Variants in EIF4E observed in about 807,000 individuals in gnomAD.
The protein encoded by EIF4E is eIF-4F 25 kDa subunit.
For synonymous variants in EIF4E, 71 were observed against 88.5 expected, an observed-to-expected ratio of 0.80 and a Z score of 1.11; for missense variants, 113 against 265.6, an observed-to-expected ratio of 0.43 and a Z score of 3.99.
chr4:98,917,912 C>G (rs1283248199), intron 1 of EIF4E, among the ~76,000 whole-genome samples: 1 of 151,684 alleles, frequency 6.6e-6, no homozygotes, highest in African/African-American at 2.4e-5. Context: ...TCCGTTTTTA[C>G]TAAAAATACA....
intron 1 of EIF4E, among the ~76,000 whole-genome samples, chr4:98,906,524 A>T (rs568982422): frequency 5.7e-4 from 86 of 152,158 alleles, no homozygotes; most frequent in Middle Eastern, 3.4e-3. Flanking sequence ...AGAAATTTTT[A>T]AAAAAAGGCC....
intron 1 of EIF4E, among the ~76,000 whole-genome samples, chr4:98,912,208 C>T (rs1297130255): frequency 6.7e-6 from 1 of 148,780 alleles, no homozygotes; most frequent in Non-Finnish European, 1.5e-5. Flanking sequence ...GCCAAGATCG[C>T]GCCACTGCAC....
intron 1 of EIF4E, among the ~76,000 whole-genome samples, chr4:98,913,164 T>C (rs1195804394): frequency 6.6e-6 from 1 of 151,636 alleles, no homozygotes; most frequent in African/African-American, 2.4e-5. Flanking sequence ...GCCAAGGTAG[T>C]GTCACTGCAT....
intron 2 of EIF4E, among the ~76,000 whole-genome samples, chr4:98,896,907 G>A (rs952139217): frequency 1.3e-5 from 2 of 151,918 alleles, no homozygotes; most frequent in East Asian, 3.9e-4. Context: ...GCAGTGAGCC[G>A]AGATTACACG....
Position 98,929,085 on chromosome 4 carries a change from C to A in EIF4E, c.18+10G>T, listed in dbSNP as rs777025316. 4.4e-6 allele frequency: 7 copies of A among 1,583,168 alleles called. No homozygotes were observed. The Admixed American group carries it at 1.2e-4, about 28-fold the overall frequency. Reference sequence around the variant, plus strand: ...GACCCGTGGGGGTGGGGGCCAAAGGCAATACTCACCGGTTCGACAGTCGCC... The same window carrying A: ...GACCCGTGGGGGTGGGGGCCAAAGGAAATACTCACCGGTTCGACAGTCGCC... On this transcript the variant is annotated intron_variant, in intron 1 of 6. Coordinates refer to ENST00000450253, the MANE Select transcript of EIF4E (RefSeq NM_001968.5).
chr4:98,928,879 G>A (rs1356896967), intron 1 of EIF4E: 2 of 1,547,944 alleles, frequency 1.3e-6, no homozygotes, highest in Admixed American at 2.0e-5. Context: ...CGCTCCCCCA[G>A]TTCTCGGGCC....
chr4:98,890,836 C>T (rs78191566), intron 3 of EIF4E: 10,514 of 210,170 alleles, frequency 0.05, 1,133 homozygotes, highest in African/African-American at 0.23. Context: ...ATCTTAAAAT[C>T]TCTGGTACAG....
At chr4:98,888,518 T>C (rs1332256792) in intron 3 of EIF4E, among the ~76,000 whole-genome samples, 3 of 152,044 alleles carry the variant, frequency 2.0e-5, no homozygotes. Flanking sequence ...AATAAATAAA[T>C]AAATATAGTT....
chr4:98,888,321 AAAAAAC>A (rs72317665), intron 3 of EIF4E, among the ~76,000 whole-genome samples: 5,575 of 152,094 alleles, frequency 0.037, 314 homozygotes, highest in African/African-American at 0.12. Flanking sequence ...CACAAACATA[AAAAAAC>A]AAAAACAAAA....
intron 2 of EIF4E, among the ~76,000 whole-genome samples, chr4:98,897,837 T>C (rs1007317334): frequency 6.6e-6 from 1 of 152,204 alleles, no homozygotes; most frequent in African/African-American, 2.4e-5. Flanking sequence ...AGTTTAGAGG[T>C]AATATTAATG....
At chr4:98,924,350 T>TA (rs1360960337) in intron 1 of EIF4E, among the ~76,000 whole-genome samples, 1 of 152,172 alleles carries the variant, frequency 6.6e-6, no homozygotes, top group Non-Finnish European at 1.5e-5. Context: ...GTGCTGGGAT[T>TA]ACAGGCATGA....
At chr4:98,917,257 T>C (rs1437618916) in intron 1 of EIF4E, among the ~76,000 whole-genome samples, 2 of 151,896 alleles carry the variant, frequency 1.3e-5, no homozygotes, top group African/African-American at 4.8e-5. Flanking sequence ...TAGGTAACTT[T>C]ACACCAGAAG....
chr4:98,906,074 T>C (rs1724859690), intron 1 of EIF4E, among the ~76,000 whole-genome samples: 1 of 152,182 alleles, frequency 6.6e-6, no homozygotes, highest in South Asian at 2.1e-4. Flanking sequence ...CATTCAAGAT[T>C]TCTCAGCAAC....
chr4:98,904,945 A>C (rs1724804548), intron 1 of EIF4E, among the ~76,000 whole-genome samples: 1 of 152,090 alleles, frequency 6.6e-6, no homozygotes, highest in African/African-American at 2.4e-5. Context: ...AAATACCATA[A>C]AAATTTTTAT....
chr4:98,928,434 G>A (rs1164743813), intron 1 of EIF4E, among the ~76,000 whole-genome samples: 2 of 151,970 alleles, frequency 1.3e-5, no homozygotes, highest in African/African-American at 2.4e-5. Flanking sequence ...CGCTTCCCCT[G>A]GCGCAAACAC....
At chr4:98,910,602 T>C (rs1449962954) in intron 1 of EIF4E, among the ~76,000 whole-genome samples, 2 of 152,186 alleles carry the variant, frequency 1.3e-5, no homozygotes, top group Non-Finnish European at 2.9e-5. Flanking sequence ...TGTTGGGCTA[T>C]AGCTAAATAT....
At chr4:98,911,194 G>A (rs1250088372) in intron 1 of EIF4E, among the ~76,000 whole-genome samples, 6 of 151,502 alleles carry the variant, frequency 4.0e-5, no homozygotes, top group African/African-American at 7.3e-5. Flanking sequence ...GATTACAGGC[G>A]CCTGCCACCA....
intron 1 of EIF4E, among the ~76,000 whole-genome samples, chr4:98,921,416 T>C (rs146212874): frequency 0.017 from 2,618 of 152,024 alleles, 71 homozygotes; most frequent in African/African-American, 0.06. Context: ...ATGACAGTAA[T>C]GGAGTGCAAT....
chr4:98,891,970 C>T (rs1005563484), intron 2 of EIF4E, among the ~76,000 whole-genome samples: 2 of 152,160 alleles, frequency 1.3e-5, no homozygotes, highest in South Asian at 2.1e-4. Context: ...CATCACTCAA[C>T]GGAATTCACA....
Sources: allele counts gnomAD v4.1 joint callset (sites outside exome capture counted in the v4.1 genomes callset), GRCh38; gene constraint gnomAD v4.1.1; transcripts MANE v1.5; gene names NCBI Gene and HGNC (gene_info 2026-07-23, HGNC 2026-07-21).